DMXL2: variants seen among roughly 807,000 people sequenced by gnomAD.
DMXL2 encodes Dmx like 2, also known as dmX-like protein 2.
DMXL2 carries 103 observed loss-of-function variants against 331.1 expected under a neutral mutation model. That is an observed-to-expected ratio of 0.31 (90% CI 0.27 to 0.37). DMXL2 has a LOEUF of 0.37. Among genes scored for constraint, DMXL2 ranks in the 10% least tolerant of loss-of-function variants. The probability of loss-of-function intolerance (pLI) is 1.00; values close to 1 mark genes in which losing one functional copy is unlikely to be tolerated. For synonymous variants in DMXL2, 1,281 were observed against 1,252.1 expected (o/e 1.02, Z -0.49); for missense variants, 3,171 against 3,642.9 (o/e 0.87, Z 3.33).
chr15:51,565,211 T>C, intron 3 of DMXL2, 45 bp from the exon 4 acceptor site: 2 of 1,315,220 alleles, frequency 1.5e-6, no homozygotes, highest in Non-Finnish European at 2.1e-6. Context: ...GAAAAAGATG[T>C]TTTTCAAATA....
At chr15:51,532,553 G>C (rs1466627633) in intron 13 of DMXL2, among the ~76,000 whole-genome samples, 1 of 152,056 alleles carries the variant, frequency 6.6e-6, no homozygotes, top group African/African-American at 2.4e-5. Context: ...GTAACACAAA[G>C]GATAAATGTA....
At chr15:51,566,125 C>A (rs2141056238) in intron 3 of DMXL2, among the ~76,000 whole-genome samples, 1 of 152,142 alleles carries the variant, frequency 6.6e-6, no homozygotes, top group Non-Finnish European at 1.5e-5. Context: ...AGAAGGATCA[C>A]TTTAGCCCAT....
chr15:51,610,946 T>C (rs1050389946), intron 1 of DMXL2, among the ~76,000 whole-genome samples: 1 of 152,212 alleles, frequency 6.6e-6, no homozygotes, highest in African/African-American at 2.4e-5. Context: ...TACTTATGAG[T>C]GCATGGTTTT....
intron 2 of DMXL2, among the ~76,000 whole-genome samples, chr15:51,572,815 C>A (rs2050762406): frequency 6.6e-6 from 1 of 152,068 alleles, no homozygotes; most frequent in Admixed American, 6.6e-5. Context: ...TATGACAAAC[C>A]CACAGCCAAT....
At chr15:51,500,657 T>G (rs2043525011) in intron 17 of DMXL2, among the ~76,000 whole-genome samples, 2 of 152,222 alleles carry the variant, frequency 1.3e-5, no homozygotes, top group African/African-American at 4.8e-5. Context: ...ACAATTTGCC[T>G]TTCAAATGCC....
In DMXL2 at chr15:51,466,292, T is replaced by C. The variant is rs745717141; in HGVS notation, c.7412A>G (p.Asp2471Gly). ...ATCAGAATCATATATAACACCACTATCAGACAAAGGAAGAAATGGCTGCAA... is the reference window on the plus strand; with the variant it reads ...ATCAGAATCATATATAACACCACTACCAGACAAAGGAAGAAATGGCTGCAA... ...FVAKPFLPLS[D>G]SGVIYDSDES... The change falls in exon 30 of 44, where the codon GAT becomes GGT. Residue 2471 changes from aspartate to glycine, a missense_variant. Physicochemically the swap from Asp to Gly is moderately conservative, Grantham distance 94. Transcript: ENST00000560891. 7.0e-7 allele frequency: 1 copy of C among 1,424,290 alleles called. No individual in the cohort carries two copies. The highest frequency in any genetic ancestry group is 1.7e-5 in the South Asian group (1 of 57,494). The allele number at this position is 1,424,290 out of a possible 1,614,324, so 88.2% of individuals were successfully genotyped here. A position where few individuals can be genotyped will look rare whatever the true frequency, so the allele number is the denominator to read the frequency against.
At chr15:51,591,297 G>A (rs563561544) in intron 1 of DMXL2, among the ~76,000 whole-genome samples, 1 of 152,332 alleles carries the variant, frequency 6.6e-6, no homozygotes, top group East Asian at 1.9e-4. Context: ...CCCGCGCCTG[G>A]CTCGGAGGGT....
intron 2 of DMXL2, among the ~76,000 whole-genome samples, chr15:51,570,138 T>C (rs1003172721): frequency 1.3e-5 from 2 of 151,816 alleles, no homozygotes; most frequent in African/African-American, 4.8e-5. Context: ...GAGAACTTCA[T>C]GAAACATACA....
intron 6 of DMXL2, among the ~76,000 whole-genome samples, chr15:51,553,072 T>TA (rs1417690611): frequency 1.3e-5 from 2 of 152,228 alleles, no homozygotes; most frequent in Non-Finnish European, 2.9e-5. Context: ...GCTTTCTCTA[T>TA]AGATCACTCA....
chr15:51,556,355 G>GAAAAAAAAAAAAAAA (rs59460472), intron 6 of DMXL2, among the ~76,000 whole-genome samples: 2 of 118,976 alleles, frequency 1.7e-5, no homozygotes. Context: ...AAAAAAAAAA[G>GAAAAAAAAAAAAAAA]AAAAAAAAAA....
At chr15:51,548,388 A>G (rs2049008164) in intron 6 of DMXL2, among the ~76,000 whole-genome samples, 1 of 152,102 alleles carries the variant, frequency 6.6e-6, no homozygotes. Context: ...TGAAACAAAA[A>G]TTTCCATTAA....
chr15:51,565,326 C>G (rs74016404), intron 3 of DMXL2, among the ~76,000 whole-genome samples, 160 bp from the exon 4 acceptor site: 210 of 152,204 alleles, frequency 1.4e-3, no homozygotes, highest in African/African-American at 4.9e-3. Flanking sequence ...CTGTTTTTAA[C>G]GTAACTTTCA....
intron 23 of DMXL2, among the ~76,000 whole-genome samples, chr15:51,484,472 G>A (rs1021325496): frequency 1.3e-5 from 2 of 152,134 alleles, no homozygotes; most frequent in African/African-American, 4.8e-5. Flanking sequence ...GATTACAGGT[G>A]AAGAAGCTAC....
In DMXL2 at chr15:51,538,548, T is replaced by A. The variant is rs553385007; in HGVS notation, c.1106-96A>T. The A allele has an allele frequency of 3.7e-5, 35 of 944,008 alleles. No homozygotes were observed. The African/African-American group carries it at 5.5e-4, about 15-fold the overall frequency. 58.5% of individuals were successfully genotyped at this position (944,008 alleles called of 1,614,324 possible). A position where few individuals can be genotyped will look rare whatever the true frequency, so the allele number is the denominator to read the frequency against. ...ACTAATCTATATAAAGAAAAGGTGC[T>A]AAACAAGTCAACATAATTTTAGCAG... On this transcript the variant is annotated intron_variant, in intron 9 of 43. Coordinates refer to ENST00000560891, the MANE Select transcript of DMXL2 (RefSeq NM_001378457.1).
chr15:51,455,985 T>C, intron 39 of DMXL2, 81 bp downstream of exon 39: 5 of 1,517,218 alleles, frequency 3.3e-6, no homozygotes, highest in Non-Finnish European at 3.6e-6. Flanking sequence ...TGAATTCATT[T>C]TTCGATGCAC....
Position 51,448,649 on chromosome 15 carries a change from T to G in DMXL2, c.*335A>C, listed in dbSNP as rs147387782. 1,637 of 298,330 alleles carry G rather than the reference T, an allele frequency of 5.5e-3. 23 individuals are homozygous for G. The highest frequency in any genetic ancestry group is 0.033 in the African/African-American group (1,553 of 46,448). 18.5% of individuals were successfully genotyped at this position (298,330 alleles called of 1,614,324 possible). ...GGAAGAAAAACCCAAATCAGCAACA[T>G]TTTCTTCCTTAATTTGGTATAAACG... On this transcript the variant is annotated 3_prime_UTR_variant, in exon 44 of 44. Transcript: ENST00000560891.
chr15:51,511,372 G>A lies in DMXL2; in HGVS notation c.2644+3070C>T, dbSNP rs559072848. On this transcript the variant is annotated intron_variant, in intron 15 of 43. Coordinates refer to ENST00000560891, the MANE Select transcript of DMXL2 (RefSeq NM_001378457.1). ...GAAAAAAATAACCCCATCAAAAAGT[G>A]GGCAAAGGATATGAACAGACACTTC... 2.0e-5 allele frequency among the ~76,000 whole-genome samples: 3 copies of A among 152,274 alleles called. No homozygotes were observed. The East Asian group carries it at 5.8e-4, about 29-fold the overall frequency.
At chr15:51,592,361 A>T (rs1043077037) in intron 1 of DMXL2, among the ~76,000 whole-genome samples, 10 of 151,680 alleles carry the variant, frequency 6.6e-5, no homozygotes, top group Admixed American at 5.9e-4. Flanking sequence ...AAGAGAAGTT[A>T]AGAGAAAAAA....
intron 1 of DMXL2, among the ~76,000 whole-genome samples, chr15:51,590,857 G>T (rs982308086): frequency 1.3e-5 from 2 of 151,956 alleles, no homozygotes; most frequent in Admixed American, 6.5e-5. Context: ...GCTAGGACAG[G>T]AGGAGAGAGA....
Sources: gnomAD v4.1 joint callset for allele counts (sites outside exome capture counted in the v4.1 genomes callset) on GRCh38, gnomAD v4.1.1 for gene constraint, MANE v1.5 for transcripts, NCBI Gene and HGNC (gene_info 2026-07-23, HGNC 2026-07-21) for gene names.